CSMD3: variants seen among roughly 807,000 people sequenced by gnomAD.
CSMD3 encodes the protein CUB and sushi domain-containing protein 3.
Under a neutral mutation model 435.2 loss-of-function variants are expected in CSMD3, and 177 were observed. That is an observed-to-expected ratio of 0.41 (90% CI 0.36 to 0.46). CSMD3 has a LOEUF of 0.46. Ranked by LOEUF, CSMD3 falls within the 20% of genes least tolerant of loss-of-function variation. CSMD3 has a pLI of 0.34. For missense variants in CSMD3, 4,265 were observed against 4,504.6 expected (o/e 0.95, Z 1.52); for synonymous variants, 1,656 against 1,520.5 (o/e 1.09, Z -2.07).
In CSMD3 at chr8:113,388,243, T is replaced by C. The variant is rs76890647; in HGVS notation, c.178+48434A>G. On this transcript the variant is annotated intron_variant, in intron 1 of 70. Coordinates refer to ENST00000297405, the MANE Select transcript of CSMD3 (RefSeq NM_198123.2). ...AAGATGAGGCAAGAGACAAACATAA[T>C]AGTTCCCATGAAAAATAGTATCAGC... Among the ~76,000 whole-genome samples, 1,507 of 151,638 alleles carry C rather than the reference T, an allele frequency of 9.9e-3. 16 individuals carry two copies. The highest frequency in any genetic ancestry group is 0.035 in the African/African-American group (1,442 of 41,456).
intron 5 of CSMD3, among the ~76,000 whole-genome samples, chr8:113,041,644 T>C (rs2087621353): frequency 6.6e-6 from 1 of 152,168 alleles, no homozygotes; most frequent in African/African-American, 2.4e-5. Context: ...ACACTAAGGA[T>C]ATTAAACTTT....
At chr8:112,580,713 A>G (rs1334204615) in intron 23 of CSMD3, among the ~76,000 whole-genome samples, 1 of 152,030 alleles carries the variant, frequency 6.6e-6, no homozygotes, top group African/African-American at 2.4e-5. Context: ...CAGTTGGGAT[A>G]ACTAGGATCC....
In CSMD3 at chr8:112,937,743, T is replaced by A. The variant is rs11986990; in HGVS notation, c.1508+10047A>T. Among the ~76,000 whole-genome samples, 1,163 of 152,206 alleles carry A rather than the reference T, an allele frequency of 7.6e-3. 20 individuals are homozygous for A. The highest frequency in any genetic ancestry group is 0.027 in the African/African-American group (1,111 of 41,558). On this transcript the variant is annotated intron_variant, in intron 9 of 70. Coordinates refer to ENST00000297405, the MANE Select transcript of CSMD3 (RefSeq NM_198123.2). ...GATAAATAGTAATTGCAAAGACCAA[T>A]GCAATTACTACTTATCTTACTGTTA... is the stretch of plus-strand genomic sequence containing the variant.
At chr8:112,643,056 A>G (rs992715333) in intron 20 of CSMD3, among the ~76,000 whole-genome samples, 5 of 152,146 alleles carry the variant, frequency 3.3e-5, no homozygotes, top group Non-Finnish European at 5.9e-5. Flanking sequence ...TAGTCTGGGA[A>G]GAAAAGACTT....
chr8:113,281,135 G>A (rs995275962), intron 2 of CSMD3, among the ~76,000 whole-genome samples: 1 of 151,792 alleles, frequency 6.6e-6, no homozygotes, highest in African/African-American at 2.4e-5. Context: ...AATAGAATGT[G>A]TATTCTATGG....
At chr8:112,974,230 CTA>C (rs1339484393) in intron 7 of CSMD3, among the ~76,000 whole-genome samples, 2 of 151,850 alleles carry the variant, frequency 1.3e-5, no homozygotes, top group African/African-American at 4.8e-5. Flanking sequence ...TAATGGTTGA[CTA>C]TTAAACTTTT....
intron 5 of CSMD3, among the ~76,000 whole-genome samples, chr8:113,025,976 A>C (rs2086861411): frequency 6.6e-6 from 1 of 152,140 alleles, no homozygotes. Context: ...TGGCTCCCAT[A>C]ATAGGATGCA....
chr8:112,640,634 A>G (rs1301953092), intron 20 of CSMD3, among the ~76,000 whole-genome samples: 2 of 151,854 alleles, frequency 1.3e-5, no homozygotes, highest in East Asian at 1.9e-4. Flanking sequence ...GCAATACAAG[A>G]GCCCTTTTAG....
chr8:112,844,509 A>C (rs1342738231), intron 11 of CSMD3, among the ~76,000 whole-genome samples: 1 of 152,032 alleles, frequency 6.6e-6, no homozygotes, highest in Non-Finnish European at 1.5e-5. Context: ...AGCAACATCA[A>C]GGAATATTTC....
intron 22 of CSMD3, among the ~76,000 whole-genome samples, chr8:112,587,848 A>G (rs943292749): frequency 6.6e-6 from 1 of 151,952 alleles, no homozygotes; most frequent in African/African-American, 2.4e-5. Flanking sequence ...TTCTCAGTAT[A>G]GAAAATTAGA....
chr8:113,207,157 TTCTTA>T (rs2132057416), intron 3 of CSMD3, among the ~76,000 whole-genome samples: 1 of 152,276 alleles, frequency 6.6e-6, no homozygotes, highest in East Asian at 1.9e-4. Context: ...AAAAGAATTC[TTCTTA>T]TCTTTCTTCA....
Position 112,685,696 on chromosome 8 carries a change from G to C in CSMD3, c.2192C>G (p.Thr731Arg). The change falls in exon 15 of 71, where the codon ACA (threonine) becomes AGA (arginine). Residue 731 changes from threonine (T) to arginine (R), a missense_variant. By Grantham distance (71) the Thr-to-Arg change is moderately conservative (BLOSUM62 -1). This residue lies in a region of CSMD3 where 279 missense variants were observed against 369.0 expected (regional missense o/e 0.76). Coordinates refer to ENST00000297405, the MANE Select transcript of CSMD3 (RefSeq NM_198123.2). ...TTCTGGGTAATCAGGAGAAAGAACT[G>C]TTCCCATTGGTGCAGTAAAGTTAGA... Reference protein sequence around the residue: ...CLSNFTAPMGTVLSPDYPEGY... With the variant: ...CLSNFTAPMGRVLSPDYPEGY... 1 of 1,612,998 alleles carries C rather than the reference G, an allele frequency of 6.2e-7. No homozygotes were observed. Among genetic ancestry groups the C allele is most frequent in the Non-Finnish European group, 8.5e-7 (1 of 1,179,136 alleles).
intron 30 of CSMD3, among the ~76,000 whole-genome samples, chr8:112,494,895 G>A (rs1190667869): frequency 6.6e-6 from 1 of 152,002 alleles, no homozygotes; most frequent in African/African-American, 2.4e-5. Flanking sequence ...TCAAACCAGA[G>A]CTAAATGACT....
intron 10 of CSMD3, among the ~76,000 whole-genome samples, chr8:112,888,205 A>C (rs909769596): frequency 6.6e-6 from 1 of 151,628 alleles, no homozygotes; most frequent in Admixed American, 6.6e-5. Flanking sequence ...AACAAGTGGA[A>C]ATGAAACAGA....
chr8:112,535,731 A>G (rs986646867), intron 27 of CSMD3, among the ~76,000 whole-genome samples: 1 of 152,206 alleles, frequency 6.6e-6, no homozygotes. Context: ...CTAAGCCAAA[A>G]GAACAAAGCT....
chr8:112,957,996 C>T (rs763579323), intron 7 of CSMD3, among the ~76,000 whole-genome samples: 22 of 152,018 alleles, frequency 1.4e-4, no homozygotes, highest in African/African-American at 2.2e-4. Context: ...CCACCTGCCC[C>T]GGCCTCCAAA....
At chr8:113,035,219 C>T (rs1317694962) in intron 5 of CSMD3, among the ~76,000 whole-genome samples, 2 of 151,794 alleles carry the variant, frequency 1.3e-5, no homozygotes, top group African/African-American at 4.8e-5. Flanking sequence ...CTTTCCTAGA[C>T]TGATCAAATA....
rs2130162062 is a variant in CSMD3, at chr8:113,436,934, C to A, written c.-80G>T. 1 of 1,486,146 alleles carries A rather than the reference C, an allele frequency of 6.7e-7. No homozygotes were observed. Among genetic ancestry groups the A allele is most frequent in the Non-Finnish European group, 9.4e-7 (1 of 1,067,690 alleles). The allele number at this position is 1,486,146 out of a possible 1,614,324, so 92.1% of individuals were successfully genotyped here. A position where few individuals can be genotyped will look rare whatever the true frequency, so the allele number is the denominator to read the frequency against. ...CTGTTGTTGGTGCGCGGTCACAGCT[C>A]GGAGTGAATGGTGTTTCTGGGATAC... is the stretch of plus-strand genomic sequence containing the variant. On this transcript the variant is annotated 5_prime_UTR_variant, in exon 1 of 71. Transcript: ENST00000297405.
At chr8:113,359,370 G>T (rs1373585640) in intron 1 of CSMD3, among the ~76,000 whole-genome samples, 1 of 152,158 alleles carries the variant, frequency 6.6e-6, no homozygotes, top group Admixed American at 6.5e-5. Context: ...CAAGTAGGTG[G>T]GTGGTTTAAT....
Sources: allele counts gnomAD v4.1 joint callset (sites outside exome capture counted in the v4.1 genomes callset), GRCh38; gene constraint gnomAD v4.1.1; regional missense constraint gnomAD v4.1.1; transcripts MANE v1.5; gene names NCBI Gene and HGNC (gene_info 2026-07-23, HGNC 2026-07-21).